NRG3: variants seen among roughly 807,000 people sequenced by gnomAD.
NRG3 encodes pro-neuregulin-3, membrane-bound isoform.
A neutral mutation model predicts 66.9 loss-of-function variants in NRG3; 31 were observed. That is an observed-to-expected ratio of 0.46 (90% CI 0.35 to 0.63). The LOEUF (loss-of-function observed/expected upper bound fraction) is 0.63, where lower values mean the gene tolerates loss of function less well. NRG3 is among the 20% of genes least tolerant of loss of function. The pLI is 0.00. For synonymous variants in NRG3, 393 were observed against 359.4 expected (o/e 1.09, Z -1.06); for missense variants, 910 against 878.9 (o/e 1.04, Z -0.45).
At chr10:82,975,592 G>T (rs1852178283) in intron 7 of NRG3, among the ~76,000 whole-genome samples, 1 of 152,138 alleles carries the variant, frequency 6.6e-6, no homozygotes, top group Admixed American at 6.5e-5. Flanking sequence ...GGCAAGCGTT[G>T]ACTTACAAAA....
intron 4 of NRG3, among the ~76,000 whole-genome samples, chr10:82,934,935 G>A (rs1847917247): frequency 6.6e-6 from 1 of 151,962 alleles, no homozygotes; most frequent in African/African-American, 2.4e-5. Context: ...TTTTTTTATG[G>A]ATACTTTTAA....
At chr10:82,707,675 T>A (rs1210064371) in intron 2 of NRG3, among the ~76,000 whole-genome samples, 3 of 151,604 alleles carry the variant, frequency 2.0e-5, no homozygotes, top group African/African-American at 7.2e-5. Context: ...ATTACAGGTG[T>A]GAGCCACTGT....
intron 2 of NRG3, among the ~76,000 whole-genome samples, chr10:82,526,228 T>C (rs1055779216): frequency 6.6e-6 from 1 of 151,490 alleles, no homozygotes; most frequent in African/African-American, 2.4e-5. Context: ...GTCACAAAAA[T>C]TGCAGGATAA....
chr10:82,484,452 T>C lies in NRG3; in HGVS notation c.953+125584T>C, dbSNP rs577094998. ...TATGTAAAGAATTTAGTACTGTGCC[T>C]GGCACAAGTCAACAATAACAGTTTT... On this transcript the variant is annotated intron_variant, in intron 2 of 8. Coordinates refer to ENST00000372141, the MANE Select transcript of NRG3 (RefSeq NM_001010848.4). 1.2e-3 allele frequency among the ~76,000 whole-genome samples: 184 copies of C among 152,346 alleles called. 1 individual carries two copies. The highest frequency in any genetic ancestry group is 4.1e-3 in the African/African-American group (172 of 41,586).
Position 82,930,159 on chromosome 10 carries a change from G to A in NRG3, c.1055-21310G>A, listed in dbSNP as rs557974139. ...GAGTAGCACGAGGCATTAAAAGAAA[G>A]AAGAGAGATGGGAGTGTCCTTTAGA... On this transcript the variant is annotated intron_variant, in intron 4 of 8. Transcript: ENST00000372141. 4.6e-5 allele frequency among the ~76,000 whole-genome samples: 7 copies of A among 152,294 alleles called. No homozygotes were observed. In the East Asian group the frequency reaches 1.4e-3, roughly 30 times the overall value.
intron 8 of NRG3, among the ~76,000 whole-genome samples, chr10:82,981,474 G>T (rs1852890301): frequency 6.6e-6 from 1 of 152,176 alleles, no homozygotes; most frequent in Admixed American, 6.5e-5. Context: ...ACTGGAAATG[G>T]GATTCGTAAT....
At chr10:82,538,436 T>TAA (rs1160109691) in intron 2 of NRG3, among the ~76,000 whole-genome samples, 1 of 152,178 alleles carries the variant, frequency 6.6e-6, no homozygotes, top group East Asian at 1.9e-4. Context: ...ACTCAGTAAT[T>TAA]AAGACCAGAG....
intron 2 of NRG3, among the ~76,000 whole-genome samples, chr10:82,521,180 G>A (rs1018076872): frequency 6.6e-6 from 1 of 151,846 alleles, no homozygotes; most frequent in African/African-American, 2.4e-5. Context: ...ATAACGTTAT[G>A]TGTACAAAAA....
chr10:82,557,555 A>G (rs376408547), intron 2 of NRG3, among the ~76,000 whole-genome samples: 3 of 63,066 alleles, frequency 4.8e-5, no homozygotes, highest in South Asian at 6.9e-4. Flanking sequence ...TAATTTTCAC[A>G]TGTTTTCTCC....
intron 1 of NRG3, among the ~76,000 whole-genome samples, chr10:81,916,905 A>G (rs1845766475): frequency 6.6e-6 from 1 of 152,200 alleles, no homozygotes; most frequent in Non-Finnish European, 1.5e-5. Flanking sequence ...AGGCACTATT[A>G]TTATCTCCAT....
chr10:81,908,112 C>T (rs549177076), intron 1 of NRG3, among the ~76,000 whole-genome samples: 126 of 152,252 alleles, frequency 8.3e-4, no homozygotes, highest in Admixed American at 9.2e-4. Flanking sequence ...GATAAAAATG[C>T]AACCTTAGGT....
At chr10:82,868,353 C>A (rs1840967345) in intron 4 of NRG3, among the ~76,000 whole-genome samples, 1 of 151,964 alleles carries the variant, frequency 6.6e-6, no homozygotes, top group Non-Finnish European at 1.5e-5. Flanking sequence ...CTACATGAAC[C>A]ACAAGACTAA....
At position 82,927,329 on chromosome 10, in the gene NRG3, G is replaced by T. The variant is rs73311362; in HGVS notation, c.1055-24140G>T. 4.5e-3 allele frequency among the ~76,000 whole-genome samples: 683 copies of T among 152,206 alleles called. 11 individuals carry two copies. Among genetic ancestry groups the T allele is most frequent in the African/African-American group, 0.016 (644 of 41,518 alleles). ...TTTAAATTTTTATTATACATCCCCT[G>T]ACAAAATAATTTTTATTTATGGAAT... On this transcript the variant is annotated intron_variant, in intron 4 of 8. Coordinates refer to ENST00000372141, the MANE Select transcript of NRG3 (RefSeq NM_001010848.4).
intron 2 of NRG3, among the ~76,000 whole-genome samples, chr10:82,582,778 A>G (rs2046436679): frequency 6.6e-6 from 1 of 152,174 alleles, no homozygotes; most frequent in South Asian, 2.1e-4. Flanking sequence ...TTATGACAAA[A>G]TAGTTTACAT....
chr10:82,502,832 T>G (rs1271308015), intron 2 of NRG3, among the ~76,000 whole-genome samples: 3 of 152,220 alleles, frequency 2.0e-5, no homozygotes, highest in Admixed American at 6.5e-5. Flanking sequence ...AAACTACTTT[T>G]CCCTAGGATT....
At chr10:82,393,350 G>A (rs372877836) in intron 2 of NRG3, among the ~76,000 whole-genome samples, 2 of 152,144 alleles carry the variant, frequency 1.3e-5, no homozygotes, top group Non-Finnish European at 2.9e-5. Flanking sequence ...AGGTGCATCC[G>A]TAATTTGCAT....
intron 2 of NRG3, among the ~76,000 whole-genome samples, chr10:82,487,549 C>A (rs1842782332): frequency 6.6e-6 from 1 of 152,232 alleles, no homozygotes; most frequent in East Asian, 1.9e-4. Flanking sequence ...TTAAACATGT[C>A]ATCATGACCA....
chr10:82,923,376 C>T (rs1306891534), intron 4 of NRG3, among the ~76,000 whole-genome samples: 1 of 152,168 alleles, frequency 6.6e-6, no homozygotes, highest in African/African-American at 2.4e-5. Flanking sequence ...CTTTCCCTGC[C>T]TTCCAAATCC....
intron 1 of NRG3, among the ~76,000 whole-genome samples, chr10:82,100,014 A>G (rs1441768014): frequency 6.7e-6 from 1 of 150,044 alleles, no homozygotes; most frequent in African/African-American, 2.4e-5. Context: ...TTAAAAAAAC[A>G]AGTAAAATAT....
Sources: allele counts gnomAD v4.1 joint callset (sites outside exome capture counted in the v4.1 genomes callset), GRCh38; gene constraint gnomAD v4.1.1; transcripts MANE v1.5; gene names NCBI Gene and HGNC (gene_info 2026-07-23, HGNC 2026-07-21).